ITPK1: variants seen among roughly 807,000 people sequenced by gnomAD.
ITPK1 encodes inositol 1,3,4-trisphosphate 5/6-kinase.
Under a neutral mutation model 45.3 loss-of-function variants are expected in ITPK1, and 21 were observed. That is an observed-to-expected ratio of 0.46 (90% confidence interval 0.33 to 0.67). ITPK1 has a LOEUF of 0.67. ITPK1 is among the 30% of genes least tolerant of loss of function. The pLI is 0.02. For synonymous variants in ITPK1, 258 were observed against 253.6 expected (o/e 1.02, Z -0.16); for missense variants, 474 against 573.5 (o/e 0.83, Z 1.77).
chr14:93,000,778 A>T (rs1225778274), intron 4 of ITPK1, among the ~76,000 whole-genome samples: 1 of 150,618 alleles, frequency 6.6e-6, no homozygotes, highest in Non-Finnish European at 1.5e-5. Flanking sequence ...GGAGTTTGAA[A>T]CCAGACTGGC....
At chr14:93,060,286 C>T (rs910926957) in intron 3 of ITPK1, among the ~76,000 whole-genome samples, 8 of 152,196 alleles carry the variant, frequency 5.3e-5, no homozygotes, top group African/African-American at 1.9e-4. Flanking sequence ...AACAAACAGC[C>T]CCTGCTTTCA....
chr14:92,965,423 C>G (rs1043119225), intron 5 of ITPK1, among the ~76,000 whole-genome samples: 1 of 152,162 alleles, frequency 6.6e-6, no homozygotes, highest in Non-Finnish European at 1.5e-5. Flanking sequence ...TCCCCTAAGA[C>G]CAGGAACAAG....
intron 2 of ITPK1, among the ~76,000 whole-genome samples, chr14:93,082,514 T>C (rs141536615): frequency 6.6e-6 from 1 of 152,210 alleles, no homozygotes; most frequent in East Asian, 1.9e-4. Context: ...CCACACGGGC[T>C]TTAAGGGAAA....
intron 3 of ITPK1, among the ~76,000 whole-genome samples, chr14:93,038,844 C>T (rs1024010689): frequency 6.6e-6 from 1 of 152,284 alleles, no homozygotes; most frequent in South Asian, 2.1e-4. Flanking sequence ...TGTTTAAAAC[C>T]GGAAAACCAT....
At chr14:93,015,543 C>T (rs1437839184) in intron 4 of ITPK1, among the ~76,000 whole-genome samples, 1 of 152,232 alleles carries the variant, frequency 6.6e-6, no homozygotes, top group Non-Finnish European at 1.5e-5. Flanking sequence ...CCATGTTTTT[C>T]CCACAGTCTC....
chr14:92,947,007 A>G (rs1332570507), intron 9 of ITPK1, among the ~76,000 whole-genome samples: 1 of 152,212 alleles, frequency 6.6e-6, no homozygotes, highest in Non-Finnish European at 1.5e-5. Flanking sequence ...GGGAGGACAC[A>G]GGGGAGGCAA....
chr14:93,042,797 C>T (rs1045518608), intron 3 of ITPK1, among the ~76,000 whole-genome samples: 1 of 152,170 alleles, frequency 6.6e-6, no homozygotes, highest in Non-Finnish European at 1.5e-5. Context: ...GTGGGCAGAT[C>T]ACTTGAGGTC....
At chr14:92,969,748 G>A (rs1193579564) in intron 5 of ITPK1, among the ~76,000 whole-genome samples, 1 of 151,878 alleles carries the variant, frequency 6.6e-6, no homozygotes, top group Non-Finnish European at 1.5e-5. Context: ...CTGGTTCCCT[G>A]AAAAAGGCGA....
At chr14:93,007,265 C>T (rs866176908) in intron 4 of ITPK1, among the ~76,000 whole-genome samples, 6 of 152,196 alleles carry the variant, frequency 3.9e-5, no homozygotes, top group African/African-American at 1.4e-4. Context: ...TATGCAGCTG[C>T]CCCTCCCCTG....
chr14:93,027,293 G>T (rs1475723027), intron 3 of ITPK1, among the ~76,000 whole-genome samples: 2 of 152,214 alleles, frequency 1.3e-5, no homozygotes, highest in Non-Finnish European at 2.9e-5. Flanking sequence ...CAACTGAGCA[G>T]TCTCTAGGAA....
chr14:93,012,172 C>T lies in ITPK1; in HGVS notation c.246+4504G>A, dbSNP rs1331080820. Among the ~76,000 whole-genome samples the T allele has an allele frequency of 6.6e-6, 1 of 152,212 alleles. No homozygotes were observed. Among genetic ancestry groups the T allele is most frequent in the African/African-American group, 2.4e-5 (1 of 41,464 alleles). ...GCGCCGCCACCCAAACACTTAGGCA[C>T]TGCAGGCGGCAATGGGAACACCAGC... is the stretch of plus-strand genomic sequence containing the variant. On this transcript the variant is annotated intron_variant, in intron 4 of 10. Coordinates refer to ENST00000267615, the MANE Select transcript of ITPK1 (RefSeq NM_014216.6). The surrounding 1 kb of genome is among the most constrained non-coding windows in gnomAD (Gnocchi z 4.9).
At chr14:93,096,589 G>C (rs1008855757) in intron 2 of ITPK1, among the ~76,000 whole-genome samples, 4 of 152,164 alleles carry the variant, frequency 2.6e-5, no homozygotes, top group African/African-American at 7.2e-5. Context: ...GGAAATCCTG[G>C]GTCTGGATGC....
chr14:93,104,232 T>G (rs888387908), intron 2 of ITPK1, among the ~76,000 whole-genome samples: 1 of 152,164 alleles, frequency 6.6e-6, no homozygotes, highest in Admixed American at 6.5e-5. Flanking sequence ...ACACTTGTAA[T>G]CCCAGCATTT....
intron 2 of ITPK1, among the ~76,000 whole-genome samples, chr14:93,080,719 G>C (rs992670757): frequency 6.6e-6 from 1 of 152,130 alleles, no homozygotes; most frequent in Non-Finnish European, 1.5e-5. Context: ...CAAAACTATA[G>C]GGAAAGTAAC....
rs544263001 is a variant in ITPK1 at position 92,944,057 on chromosome 14, G to A, written c.902-2153C>T. 6.6e-5 allele frequency among the ~76,000 whole-genome samples: 10 copies of A among 152,334 alleles called. No homozygotes were observed. In the South Asian group the frequency reaches 2.1e-3, roughly 32 times the overall value. On this transcript the variant is annotated intron_variant, in intron 10 of 10. Transcript: ENST00000267615. ...GGCCCTTTGCACAACGCCTCGTGAGGACGAAGTGAGGCGTCGGGGCAGGCC... is the reference window on the plus strand; with the variant it reads ...GGCCCTTTGCACAACGCCTCGTGAGAACGAAGTGAGGCGTCGGGGCAGGCC...
intron 2 of ITPK1, among the ~76,000 whole-genome samples, chr14:93,085,318 TGA>T (rs1235817745): frequency 6.6e-6 from 1 of 152,230 alleles, no homozygotes; most frequent in East Asian, 1.9e-4. Flanking sequence ...ATCTTTCCTT[TGA>T]CTGGGGAGTC....
rs971924844 is a variant in ITPK1 at position 93,014,854 on chromosome 14, TG to T, written c.246+1821del. 9.2e-5 allele frequency among the ~76,000 whole-genome samples: 14 copies of T among 152,364 alleles called. No homozygotes were observed. The highest frequency in any genetic ancestry group is 3.1e-4 in the African/African-American group (13 of 41,590). On this transcript the variant is annotated intron_variant, in intron 4 of 10. Coordinates refer to ENST00000267615, the MANE Select transcript of ITPK1 (RefSeq NM_014216.6). The surrounding 1 kb of genome is among the most constrained non-coding windows in gnomAD (Gnocchi z 4.4). Reference sequence around the variant, plus strand: ...AGGGCTTGGTAAGCGGTAACTGCTCTGCAGTGCTTTCTGAGGTAACGGTAAT... The same window carrying T: ...AGGGCTTGGTAAGCGGTAACTGCTCTCAGTGCTTTCTGAGGTAACGGTAAT...
intron 2 of ITPK1, among the ~76,000 whole-genome samples, chr14:93,081,581 C>T (rs1029774565): frequency 2.0e-5 from 3 of 152,180 alleles, no homozygotes; most frequent in Non-Finnish European, 2.9e-5. Context: ...AAAATACTCA[C>T]AAAATGATTC....
At chr14:93,055,703 G>A (rs1037498352) in intron 3 of ITPK1, among the ~76,000 whole-genome samples, 5 of 152,096 alleles carry the variant, frequency 3.3e-5, no homozygotes, top group African/African-American at 9.7e-5. Flanking sequence ...AAAGTCCAAG[G>A]ACCCATCCTT....
Sources: allele counts gnomAD v4.1 joint callset (sites outside exome capture counted in the v4.1 genomes callset), GRCh38; gene constraint gnomAD v4.1.1; non-coding constraint Gnocchi (gnomAD v3.1); transcripts MANE v1.5; gene names NCBI Gene and HGNC (gene_info 2026-07-23, HGNC 2026-07-21).